Variants in HCN1 observed in about 807,000 individuals in gnomAD.
HCN1 encodes the protein hyperpolarization activated cyclic nucleotide gated potassium channel 1.
HCN1 carries 13 observed loss-of-function variants against 78.9 expected under a neutral mutation model. That is an observed-to-expected ratio of 0.16 (90% confidence interval 0.11 to 0.26). The LOEUF (loss-of-function observed/expected upper bound fraction) is 0.26. HCN1 is among the 10% of genes least tolerant of loss of function. The pLI is 1.00. For missense variants in HCN1, 810 were observed against 1,154.3 expected, an observed-to-expected ratio of 0.70 and a Z score of 4.32; for synonymous variants, 552 against 455.5, an observed-to-expected ratio of 1.21 and a Z score of -2.70.
At chr5:45,683,058 T>A (rs1344706964) in intron 1 of HCN1, among the ~76,000 whole-genome samples, 3 of 152,110 alleles carry the variant, frequency 2.0e-5, no homozygotes, top group African/African-American at 7.2e-5. Flanking sequence ...TCCATAGCTT[T>A]ATTATTAAAT....
intron 2 of HCN1, among the ~76,000 whole-genome samples, chr5:45,598,032 A>C (rs577643998): frequency 2.6e-5 from 4 of 152,268 alleles, no homozygotes; most frequent in South Asian, 2.1e-4. Flanking sequence ...TCAAGCTACC[A>C]ATGACTTTGT....
At chr5:45,528,994 T>C (rs1742790498) in intron 2 of HCN1, among the ~76,000 whole-genome samples, 1 of 152,062 alleles carries the variant, frequency 6.6e-6, no homozygotes, top group Non-Finnish European at 1.5e-5. Context: ...CCTACTCTTA[T>C]GATGAATTAA....
chr5:45,305,414 G>T (rs549397437), intron 5 of HCN1, among the ~76,000 whole-genome samples: 1 of 152,180 alleles, frequency 6.6e-6, no homozygotes, highest in Admixed American at 6.6e-5. Context: ...TGGAAGATGA[G>T]AAAATATTTA....
intron 2 of HCN1, among the ~76,000 whole-genome samples, chr5:45,533,618 T>C (rs980580699): frequency 1.3e-5 from 2 of 152,194 alleles, no homozygotes; most frequent in Non-Finnish European, 2.9e-5. Flanking sequence ...ATAGAAAGTG[T>C]TTTTATTATG....
intron 1 of HCN1, 100 bp downstream of exon 1, chr5:45,695,569 C>T (rs1370524118): frequency 1.7e-6 from 2 of 1,207,312 alleles, no homozygotes; most frequent in Non-Finnish European, 1.2e-6. Context: ...CACCCCCCGC[C>T]CGCCCTCCTA....
chr5:45,413,353 T>A (rs1442581455), intron 3 of HCN1, among the ~76,000 whole-genome samples: 1 of 152,116 alleles, frequency 6.6e-6, no homozygotes, highest in Admixed American at 6.6e-5. Flanking sequence ...AGATACAGTA[T>A]CATTTTGCCA....
intron 4 of HCN1, among the ~76,000 whole-genome samples, chr5:45,361,342 A>G (rs1747105207): frequency 6.6e-6 from 1 of 152,020 alleles, no homozygotes; most frequent in South Asian, 2.1e-4. Context: ...CGCCCAGCTA[A>G]TTGTGTACTT....
At chr5:45,408,455 C>T (rs1739967946) in intron 3 of HCN1, among the ~76,000 whole-genome samples, 1 of 152,136 alleles carries the variant, frequency 6.6e-6, no homozygotes, top group Admixed American at 6.5e-5. Context: ...TCAGTACAGT[C>T]AACATGCTGT....
At chr5:45,262,901 G>A (rs1394617271) in intron 7 of HCN1, 91 bp from the exon 8 acceptor site, 2 of 1,393,162 alleles carry the variant, frequency 1.4e-6, no homozygotes, top group East Asian at 2.3e-5. Context: ...CAGAAGTATA[G>A]CTGTGCTTCA....
intron 2 of HCN1, among the ~76,000 whole-genome samples, chr5:45,625,301 TCAAAA>T (rs72161613): frequency 4.0e-4 from 60 of 151,620 alleles, no homozygotes; most frequent in South Asian, 2.1e-3. Flanking sequence ...AGACTCTGTC[TCAAAA>T]CAAAACAAAA....
chr5:45,685,460 C>T lies in HCN1; in HGVS notation c.425+10209G>A, dbSNP rs778198387. Among the ~76,000 whole-genome samples, 51 of 152,220 alleles carry T rather than the reference C, an allele frequency of 3.4e-4. 1 individual carries two copies. Among genetic ancestry groups the T allele is most frequent in the Admixed American group, 1.1e-3 (17 of 15,284 alleles). On this transcript the variant is annotated intron_variant, in intron 1 of 7. Coordinates refer to ENST00000303230, the MANE Select transcript of HCN1 (RefSeq NM_021072.4). ...CGGAAGCAGTGTCTCATGCCTGTAACGTCAGCACTTTAGGAGGCCGAGCCG... is the reference window on the plus strand; with the variant it reads ...CGGAAGCAGTGTCTCATGCCTGTAATGTCAGCACTTTAGGAGGCCGAGCCG...
intron 4 of HCN1, among the ~76,000 whole-genome samples, chr5:45,361,898 T>C (rs1747118252): frequency 6.6e-6 from 1 of 152,254 alleles, no homozygotes; most frequent in South Asian, 2.1e-4. Context: ...GATGAGACTT[T>C]AGTGTATTTA....
At chr5:45,444,302 G>A (rs777938319) in intron 3 of HCN1, among the ~76,000 whole-genome samples, 3 of 152,046 alleles carry the variant, frequency 2.0e-5, no homozygotes, top group Non-Finnish European at 4.4e-5. Context: ...AGTTTTGAAA[G>A]CATCATTTCA....
chr5:45,361,147 C>T lies in HCN1; in HGVS notation c.1231-7901G>A, dbSNP rs1267642521. Among the ~76,000 whole-genome samples the T allele has an allele frequency of 5.9e-5, 9 of 151,868 alleles. No homozygotes were observed. In the South Asian group the frequency reaches 1.3e-3, roughly 21 times the overall value. On this transcript the variant is annotated intron_variant, in intron 4 of 7. Transcript: ENST00000303230. The stretch of plus-strand genomic sequence containing the variant: ...GCAACCTCTGCCTCCAGGGTTCTAG[C>T]GATTCTCCTGCCTCAGCTGTAGCTG...
At chr5:45,411,660 AT>A (rs1740026866) in intron 3 of HCN1, among the ~76,000 whole-genome samples, 1 of 152,078 alleles carries the variant, frequency 6.6e-6, no homozygotes, top group African/African-American at 2.4e-5. Flanking sequence ...TGATAAAAAC[AT>A]TAAGAAAAAG....
At chr5:45,322,872 AG>A (rs553870778) in intron 5 of HCN1, among the ~76,000 whole-genome samples, 71 of 152,000 alleles carry the variant, frequency 4.7e-4, no homozygotes, top group Non-Finnish European at 8.5e-4. Flanking sequence ...CACAGCATGT[AG>A]GAAGTGAAAC....
intron 1 of HCN1, among the ~76,000 whole-genome samples, chr5:45,693,118 T>C (rs1187270674): frequency 6.6e-6 from 1 of 152,188 alleles, no homozygotes; most frequent in Non-Finnish European, 1.5e-5. Context: ...CTAGTATCTG[T>C]TGAAAATTAC....
At chr5:45,512,076 T>G (rs1254960614) in intron 2 of HCN1, among the ~76,000 whole-genome samples, 1 of 152,124 alleles carries the variant, frequency 6.6e-6, no homozygotes, top group Non-Finnish European at 1.5e-5. Flanking sequence ...TACCATCCTG[T>G]AAGGCTCTGT....
At chr5:45,424,911 A>G (rs1740314322) in intron 3 of HCN1, among the ~76,000 whole-genome samples, 1 of 152,190 alleles carries the variant, frequency 6.6e-6, no homozygotes, top group Non-Finnish European at 1.5e-5. Context: ...TACACATAGG[A>G]AATTATCCAT....
Sources: allele counts gnomAD v4.1 joint callset (sites outside exome capture counted in the v4.1 genomes callset), GRCh38; gene constraint gnomAD v4.1.1; transcripts MANE v1.5; gene names NCBI Gene and HGNC (gene_info 2026-07-23, HGNC 2026-07-21).